Variants in ENOX2 observed in about 807,000 individuals in gnomAD.
ENOX2 encodes APK1 antigen.
Under a neutral mutation model 45.0 loss-of-function variants are expected in ENOX2, and 36 were observed. The ratio of observed to expected loss-of-function variants is 0.80; its 90% confidence interval spans 0.61 to 1.06. The LOEUF (loss-of-function observed/expected upper bound fraction) is 1.06, where lower values mean the gene tolerates loss of function less well. Among genes scored for constraint, ENOX2 ranks in the 50% least tolerant of loss-of-function variants. ENOX2 has a pLI of 0.00. For missense variants in ENOX2, 423 were observed against 462.5 expected (o/e 0.91, Z 0.78); for synonymous variants, 174 against 152.3 (o/e 1.14, Z -1.05).
intron 3 of ENOX2, among the ~76,000 whole-genome samples, chrX:130,711,374 A>G (rs2148244208): frequency 9.0e-6 from 1 of 111,464 alleles, no homozygotes; most frequent in Non-Finnish European, 1.9e-5. Flanking sequence ...GTGATGCCAC[A>G]GCTTGCATCA....
chrX:130,680,716 CT>C (rs777533829), intron 5 of ENOX2, among the ~76,000 whole-genome samples: 1 of 112,671 alleles, frequency 8.9e-6, no homozygotes, highest in African/African-American at 3.2e-5. Flanking sequence ...GTAATCCATT[CT>C]TTTCCATTCA....
chrX:130,708,306 C>G (rs781113705), intron 3 of ENOX2, among the ~76,000 whole-genome samples: 1 of 111,459 alleles, frequency 9.0e-6, no homozygotes, highest in Admixed American at 9.5e-5. Flanking sequence ...TCCCAGCCCT[C>G]GGGGGGTTCA....
chrX:130,757,812 C>T (rs1338518491), intron 3 of ENOX2, among the ~76,000 whole-genome samples: 1 of 110,109 alleles, frequency 9.1e-6, no homozygotes, highest in Non-Finnish European at 1.9e-5. Context: ...CAGCTCACTG[C>T]AGCCTCGACC....
At chrX:130,709,092 C>A in intron 3 of ENOX2, 2 of 425,087 alleles carry the variant, frequency 4.7e-6, no homozygotes, top group Non-Finnish European at 4.1e-6. Context: ...CATGTAGCAG[C>A]CATATTTGTT....
At chrX:130,636,157 A>AT (rs897231741) in intron 11 of ENOX2, among the ~76,000 whole-genome samples, 2 of 111,681 alleles carry the variant, frequency 1.8e-5, no homozygotes, top group African/African-American at 6.5e-5. Context: ...GAGGAGGTGC[A>AT]TTTTTTCATA....
chrX:130,827,790 T>C (rs1177703399), intron 2 of ENOX2, among the ~76,000 whole-genome samples: 2 of 111,893 alleles, frequency 1.8e-5, no homozygotes, highest in Non-Finnish European at 3.8e-5. Context: ...TGTGTGCATG[T>C]CTCTTTAAGT....
At chrX:130,861,262 T>G (rs2078403041) in intron 2 of ENOX2, among the ~76,000 whole-genome samples, 2 of 111,954 alleles carry the variant, frequency 1.8e-5, no homozygotes, top group African/African-American at 6.5e-5. Context: ...TGGGTATAAA[T>G]CCAAAGGATC....
intron 2 of ENOX2, among the ~76,000 whole-genome samples, chrX:130,822,275 T>C (rs1221532550): frequency 1.8e-5 from 2 of 111,440 alleles, no homozygotes; most frequent in African/African-American, 6.5e-5. Context: ...GTTTGACTTA[T>C]GATTTTTCAA....
In ENOX2 at chrX:130,816,759, A is replaced by T. The variant is rs1162844079; in HGVS notation, c.-182-33069T>A. Among the ~76,000 whole-genome samples the T allele has an allele frequency of 4.5e-5, 5 of 112,095 alleles. No individual in the cohort carries two copies. In the East Asian group the frequency reaches 1.4e-3, roughly 31 times the overall value. Reference sequence around the variant, plus strand: ...GTACTAGAATCTCTGGGACACAGCTAAAGCAGTGTTTAGAGAGAAATTTAG... The same window carrying T: ...GTACTAGAATCTCTGGGACACAGCTTAAGCAGTGTTTAGAGAGAAATTTAG... On this transcript the variant is annotated intron_variant, in intron 2 of 14. Transcript: ENST00000394363.
chrX:130,698,269 C>T (rs2037812822), intron 4 of ENOX2, among the ~76,000 whole-genome samples: 1 of 111,185 alleles, frequency 9.0e-6, no homozygotes, highest in Admixed American at 9.5e-5. Flanking sequence ...CAATACAGAA[C>T]TCATGCATAT....
chrX:130,709,238 C>T, intron 3 of ENOX2: 5 of 1,203,971 alleles, frequency 4.2e-6, no homozygotes, highest in Non-Finnish European at 4.5e-6. Flanking sequence ...CAAAGTGGGG[C>T]TTACCTGCAT....
rs964150443 is a variant in ENOX2 at position 130,890,586 on chromosome X, G to T, written c.-183+11098C>A. Among the ~76,000 whole-genome samples the T allele has an allele frequency of 1.1e-4, 12 of 112,727 alleles. No individual in the cohort carries two copies. In the East Asian group the frequency reaches 1.1e-3, roughly 10 times the overall value. The stretch of plus-strand genomic sequence containing the variant: ...CTAAATTCCAAACAAAACAGAAATT[G>T]TAACAGTTTGAAAGCAACAAAAACT... On this transcript the variant is annotated intron_variant, in intron 2 of 14. Coordinates refer to ENST00000394363, the MANE Select transcript of ENOX2 (RefSeq NM_006375.4).
chrX:130,845,084 C>T (rs776295200), intron 2 of ENOX2, among the ~76,000 whole-genome samples: 7 of 112,307 alleles, frequency 6.2e-5, no homozygotes, highest in Non-Finnish European at 1.3e-4. Context: ...TGTCCAAAAA[C>T]TTTCACTGAC....
At chrX:130,727,932 A>G (rs2038644303) in intron 3 of ENOX2, among the ~76,000 whole-genome samples, 1 of 112,083 alleles carries the variant, frequency 8.9e-6, no homozygotes, top group Non-Finnish European at 1.9e-5. Flanking sequence ...CTAGTTATCA[A>G]TCTAATACCT....
chrX:130,814,674 C>G (rs762947451), intron 2 of ENOX2, among the ~76,000 whole-genome samples: 127 of 112,084 alleles, frequency 1.1e-3, no homozygotes, highest in African/African-American at 4.0e-3. Flanking sequence ...AGAAGGAAAA[C>G]TAACAAACAG....
intron 2 of ENOX2, among the ~76,000 whole-genome samples, chrX:130,868,113 T>A (rs1247976576): frequency 9.0e-6 from 1 of 111,584 alleles, no homozygotes; most frequent in African/African-American, 3.3e-5. Context: ...ATACAATTAC[T>A]TGGAAGAGTC....
At chrX:130,811,144 C>T (rs548934066) in intron 2 of ENOX2, among the ~76,000 whole-genome samples, 2 of 111,122 alleles carry the variant, frequency 1.8e-5, no homozygotes, top group African/African-American at 3.3e-5. Context: ...CATGAGTGGT[C>T]GCAGGTACTA....
At chrX:130,706,791 G>A (rs1427003443) in intron 3 of ENOX2, among the ~76,000 whole-genome samples, 2 of 112,147 alleles carry the variant, frequency 1.8e-5, no homozygotes, top group East Asian at 5.6e-4. Flanking sequence ...TTATTGCTAA[G>A]CCAATTCTTT....
At chrX:130,800,798 G>C (rs764856028) in intron 2 of ENOX2, among the ~76,000 whole-genome samples, 10 of 112,250 alleles carry the variant, frequency 8.9e-5, no homozygotes, top group Non-Finnish European at 1.3e-4. Context: ...TTACAATTTA[G>C]TAAGAGTGAC....
Sources: gnomAD v4.1 joint callset for allele counts (sites outside exome capture counted in the v4.1 genomes callset) on GRCh38, gnomAD v4.1.1 for gene constraint, MANE v1.5 for transcripts, NCBI Gene and HGNC (gene_info 2026-07-23, HGNC 2026-07-21) for gene names.